Variants in CR1 observed in about 807,000 individuals in gnomAD.
The protein encoded by CR1 is complement receptor type 1.
In CR1, 116 loss-of-function variants were observed where a neutral mutation model predicts 187.3. That is an observed-to-expected ratio of 0.62 (90% CI 0.53 to 0.72). CR1 has a LOEUF of 0.72. Among genes scored for constraint, CR1 ranks in the 30% least tolerant of loss-of-function variants. The pLI is 0.00. For synonymous variants in CR1, 576 were observed against 747.1 expected (o/e 0.77, Z 3.73); for missense variants, 1,731 against 2,110.7 (o/e 0.82, Z 3.52).
intron 42 of CR1, 63 bp downstream of exon 42, chr1:207,618,310 G>T: frequency 6.9e-7 from 1 of 1,455,548 alleles, no homozygotes; most frequent in Non-Finnish European, 9.4e-7. Flanking sequence ...AGGCTTGTAA[G>T]GCTGAGAGAC....
chr1:207,568,137 G>A (rs538524534), intron 25 of CR1, 95 bp downstream of exon 25: 58 of 1,596,704 alleles, frequency 3.6e-5, no homozygotes, highest in Non-Finnish European at 4.6e-5. Flanking sequence ...TTATTTGTAT[G>A]TATGCATTTG....
At chr1:207,601,601 A>T (rs74445055) in intron 35 of CR1, among the ~76,000 whole-genome samples, 10,679 of 152,180 alleles carry the variant, frequency 0.07, 1,274 homozygotes, top group African/African-American at 0.24. Context: ...GTTTAAAAAA[A>T]ATTATTATTA....
chr1:207,577,709 C>T, intron 28 of CR1, 96 bp from the exon 29 acceptor site: 3 of 1,551,672 alleles, frequency 1.9e-6, no homozygotes, highest in Non-Finnish European at 2.6e-6. Context: ...GTAGAGGTTG[C>T]AGTTAGCCAT....
At chr1:207,617,577 G>GTA (rs747792167) in intron 41 of CR1, among the ~76,000 whole-genome samples, 100 of 47,144 alleles carry the variant, frequency 2.1e-3, no homozygotes, top group East Asian at 2.5e-3. Flanking sequence ...ATGTGTGTGT[G>GTA]TATATATATA....
chr1:207,498,131 C>T (rs4274065), intron 1 of CR1, among the ~76,000 whole-genome samples: 128,083 of 152,228 alleles, frequency 0.84, 54,161 homozygotes, highest in East Asian at 0.96. Context: ...AAAATGAGCA[C>T]AACTGACATC....
At chr1:207,580,756 G>GGTAGTGCTA in intron 31 of CR1, 143 bp downstream of exon 31, 1 of 796,240 alleles carries the variant, frequency 1.3e-6, no homozygotes, top group Non-Finnish European at 2.0e-6. Flanking sequence ...TTAAAATAAA[G>GGTAGTGCTA]GTAGGGACTA....
chr1:207,638,494 T>G (rs182240618), intron 46 of CR1, among the ~76,000 whole-genome samples: 58 of 152,316 alleles, frequency 3.8e-4, no homozygotes, highest in African/African-American at 1.3e-3. Flanking sequence ...TCTGCTCCAG[T>G]GTCTACTAAC....
chr1:207,626,443 T>C (rs759174598), intron 45 of CR1, among the ~76,000 whole-genome samples: 1 of 152,136 alleles, frequency 6.6e-6, no homozygotes, highest in Non-Finnish European at 1.5e-5. Flanking sequence ...TTATTCCTTA[T>C]CTGGAGCTCA....
chr1:207,523,506 A>G lies in CR1; in HGVS notation c.488-105A>G, dbSNP rs142598037. ...GTACCTATGTGTTAGCAAAGATTAAAAGCAAATAATGAATGTAAAAATAGC... is the reference window on the plus strand; with the variant it reads ...GTACCTATGTGTTAGCAAAGATTAAGAGCAAATAATGAATGTAAAAATAGC... On this transcript the variant is annotated intron_variant, in intron 4 of 46. Transcript: ENST00000367049. The G allele has an allele frequency of 4.8e-4, 737 of 1,540,210 alleles. 2 individuals are homozygous for G. The African/African-American group carries it at 7.8e-3, about 16-fold the overall frequency.
chr1:207,518,272 T>G (rs570917375), intron 4 of CR1, among the ~76,000 whole-genome samples: 4 of 152,344 alleles, frequency 2.6e-5, no homozygotes, highest in Admixed American at 6.5e-5. Flanking sequence ...ATTCTTTCAT[T>G]AATTTAATCA....
chr1:207,587,358 T>C lies in CR1; in HGVS notation c.5531-28T>C, dbSNP rs771902904. The C allele has an allele frequency of 1.7e-5, 27 of 1,588,602 alleles. 1 individual carries two copies. In the South Asian group the frequency reaches 3.0e-4, roughly 17 times the overall value. On this transcript the variant is annotated intron_variant, in intron 33 of 46. Transcript: ENST00000367049. ...TAGGGTGGAAGTCTCTCTGCTAACT[T>C]TGATATTCCTGTGGTTTTTCTCTCC...
chr1:207,498,529 ATAATT>A (rs1317280620), intron 1 of CR1, among the ~76,000 whole-genome samples: 1 of 152,242 alleles, frequency 6.6e-6, no homozygotes, highest in African/African-American at 2.4e-5. Flanking sequence ...AAAAAGAACT[ATAATT>A]TATATGTTAA....
intron 28 of CR1, among the ~76,000 whole-genome samples, chr1:207,576,412 C>A (rs1416331580): frequency 6.6e-6 from 1 of 152,118 alleles, no homozygotes; most frequent in Non-Finnish European, 1.5e-5. Flanking sequence ...GTATCCAGTT[C>A]TTTTTATTAC....
chr1:207,614,180 C>G (rs1662025394), intron 39 of CR1, among the ~76,000 whole-genome samples: 1 of 152,192 alleles, frequency 6.6e-6, no homozygotes, highest in African/African-American at 2.4e-5. Context: ...TTGCCAGTCA[C>G]AGGGTACCAT....
intron 4 of CR1, among the ~76,000 whole-genome samples, chr1:207,516,601 T>C (rs993963258): frequency 9.2e-5 from 14 of 152,332 alleles, no homozygotes; most frequent in African/African-American, 3.4e-4. Context: ...GTAACAAATT[T>C]ACAGTTTTGA....
At chr1:207,509,458 T>C (rs1659550674) in intron 3 of CR1, among the ~76,000 whole-genome samples, 1 of 152,192 alleles carries the variant, frequency 6.6e-6, no homozygotes, top group Admixed American at 6.5e-5. Flanking sequence ...CCTCCAAACA[T>C]TCTGAATGAG....
intron 28 of CR1, 83 bp from the exon 29 acceptor site, chr1:207,577,722 T>C (rs1476641251): frequency 3.8e-6 from 6 of 1,574,504 alleles, no homozygotes; most frequent in Admixed American, 1.9e-5. Flanking sequence ...TTAGCCATGA[T>C]TGTGCCACTG....
At position 207,524,347 on chromosome 1, in the gene CR1, A is replaced by G. The variant is rs577503633; in HGVS notation, c.886+338A>G. The stretch of plus-strand genomic sequence containing the variant: ...CTACATGTGAATTTTAATCCTTAAA[A>G]CAAAGTTATTAGGTAGTTACCAGTT... On this transcript the variant is annotated intron_variant, in intron 5 of 46. Coordinates refer to ENST00000367049, the MANE Select transcript of CR1 (RefSeq NM_000651.6). Among the ~76,000 whole-genome samples, 12 of 152,094 alleles carry G rather than the reference A, an allele frequency of 7.9e-5. No homozygotes were observed. The East Asian group carries it at 2.1e-3, about 27-fold the overall frequency.
chr1:207,590,862 G>A (rs1490087349), intron 35 of CR1, among the ~76,000 whole-genome samples: 1 of 151,664 alleles, frequency 6.6e-6, no homozygotes, highest in African/African-American at 2.4e-5. Flanking sequence ...AAAGAGACAA[G>A]AGCATTACAT....
Sources: allele counts gnomAD v4.1 joint callset (sites outside exome capture counted in the v4.1 genomes callset), GRCh38; gene constraint gnomAD v4.1.1; transcripts MANE v1.5; gene names NCBI Gene and HGNC (gene_info 2026-07-23, HGNC 2026-07-21).